TRIO: variants seen among roughly 807,000 people sequenced by gnomAD.
TRIO encodes the protein triple functional domain protein.
Under a neutral mutation model 351.9 loss-of-function variants are expected in TRIO, and 58 were observed. The observed-to-expected ratio is 0.16, with a 90% CI of 0.13 to 0.21. The LOEUF (loss-of-function observed/expected upper bound fraction) is 0.21. Among genes scored for constraint, TRIO ranks in the 10% least tolerant of loss-of-function variants. TRIO has a pLI of 1.00. For synonymous variants in TRIO, 1,758 were observed against 1,595.7 expected (o/e 1.10, Z -2.42); for missense variants, 3,201 against 4,027.8 (o/e 0.79, Z 5.56).
intron 20 of TRIO, among the ~76,000 whole-genome samples, chr5:14,380,276 T>C (rs1437376850): frequency 6.9e-5 from 2 of 28,954 alleles, no homozygotes; most frequent in East Asian, 2.4e-3. Flanking sequence ...CCCCGCCTCC[T>C]CCTTCGCGCC....
In TRIO at chr5:14,336,666, G is replaced by C; in HGVS notation, c.1985G>C (p.Arg662Pro). ...GACCGGATTCAAGATTTCGTTCGGC[G>C]TGTTGAGCAGCGAAAGATCCTACTG... ...LEDRIQDFVR[R>P]VEQRKILLDM... The change falls in exon 11 of 57, where the codon CGT becomes CCT. Residue 662 changes from arginine (R) to proline (P), a missense_variant. By Grantham distance (103) the Arg-to-Pro change is moderately radical (BLOSUM62 -2). This residue lies in a region of TRIO where 363 missense variants were observed against 553.5 expected (regional missense o/e 0.66). Transcript: ENST00000344204. 1 of 1,614,224 alleles carries C rather than the reference G, an allele frequency of 6.2e-7. No homozygotes were observed. Among genetic ancestry groups the C allele is most frequent in the Non-Finnish European group, 8.5e-7 (1 of 1,180,042 alleles).
Position 14,488,266 on chromosome 5 carries a change from C to A in TRIO, c.7632+6C>A, listed in dbSNP as rs1257170370. 1 of 1,554,036 alleles carries A rather than the reference C, an allele frequency of 6.4e-7. No homozygotes were observed. Among genetic ancestry groups the A allele is most frequent in the Admixed American group, 1.9e-5 (1 of 53,918 alleles). On this transcript the variant is annotated splice_donor_region_variant and intron_variant, in intron 48 of 56. Transcript: ENST00000344204. ...AGTCCACCCAGAGCAACGGGGTAAG[C>A]GCGTCGGGGGGCCCGCGCCCTCCCG...
Position 14,315,438 on chromosome 5 carries a change from A to T in TRIO, c.1501-1075A>T, listed in dbSNP as rs549449554. Among the ~76,000 whole-genome samples the T allele has an allele frequency of 1.6e-4, 25 of 152,050 alleles. No individual in the cohort carries two copies. In the South Asian group the frequency reaches 3.7e-3, roughly 23 times the overall value. ...CAGCTAATTTTTGTATTTTTAGTAG[A>T]GACGGGGTTTCACCATGTTGGCCAG... On this transcript the variant is annotated intron_variant, in intron 8 of 56. Coordinates refer to ENST00000344204, the MANE Select transcript of TRIO (RefSeq NM_007118.4).
intron 30 of TRIO, 42 bp downstream of exon 30, chr5:14,399,112 A>G (rs768610589): frequency 1.9e-6 from 3 of 1,555,922 alleles, no homozygotes; most frequent in Non-Finnish European, 1.8e-6. Context: ...AAGGTAACAC[A>G]ATTGCAGTCT....
In TRIO at chr5:14,336,583, G is replaced by A. The variant is rs773491884; in HGVS notation, c.1902G>A (p.Leu634=). The A allele has an allele frequency of 6.2e-7, 1 of 1,614,198 alleles. No homozygotes were observed. The highest frequency in any genetic ancestry group is 1.7e-5 in the Admixed American group (1 of 60,028). Residue 634 remains leucine (L), a synonymous_variant, in exon 11 of 57, where the codon CTG becomes CTA. Transcript: ENST00000344204. Reference sequence around the variant, plus strand: ...AATTACTGGAAGCAGCAGAACAGCTGGCTCAGACTGGGGAATGTGACCCCG... The same window carrying A: ...AATTACTGGAAGCAGCAGAACAGCTAGCTCAGACTGGGGAATGTGACCCCG... ...ADKLLEAAEQ[L]AQTGECDPEE...
At chr5:14,217,070 C>T (rs530028932) in intron 1 of TRIO, among the ~76,000 whole-genome samples, 25 of 152,332 alleles carry the variant, frequency 1.6e-4, no homozygotes, top group African/African-American at 5.8e-4. Context: ...TCATGCATTC[C>T]TCCTCCAGCA....
intron 11 of TRIO, among the ~76,000 whole-genome samples, chr5:14,351,672 T>C (rs917280181): frequency 1.3e-4 from 20 of 152,318 alleles, no homozygotes; most frequent in African/African-American, 4.3e-4. Flanking sequence ...AAACTGAAGA[T>C]AGAGTGCTCC....
intron 1 of TRIO, among the ~76,000 whole-genome samples, chr5:14,202,472 A>C (rs1294048836): frequency 6.6e-6 from 1 of 151,756 alleles, no homozygotes; most frequent in Non-Finnish European, 1.5e-5. Flanking sequence ...TGAATACTGT[A>C]GCTCATGTTG....
intron 35 of TRIO, 135 bp downstream of exon 35, chr5:14,461,446 C>T: frequency 7.9e-7 from 1 of 1,265,736 alleles, no homozygotes; most frequent in Non-Finnish European, 1.0e-6. Context: ...CCATTCAAGT[C>T]TCTGCTTAGC....
At position 14,286,032 on chromosome 5, in the gene TRIO, A is replaced by G. The variant is rs1231759417; in HGVS notation, c.348-839A>G. Among the ~76,000 whole-genome samples, 1 of 152,072 alleles carries G rather than the reference A, an allele frequency of 6.6e-6. No homozygotes were observed. Among genetic ancestry groups the G allele is most frequent in the African/African-American group, 2.4e-5 (1 of 41,388 alleles). On this transcript the variant is annotated intron_variant, in intron 3 of 56. Coordinates refer to ENST00000344204, the MANE Select transcript of TRIO (RefSeq NM_007118.4). This position sits in a 1 kb window ranked among gnomAD's most constrained non-coding sequence, Gnocchi z 4.4. ...TGCTCATTCTTTATTGCAGATTTGC[A>G]TTGTATGTGTTTCCCATGTAGTCAG...
chr5:14,404,180 T>C (rs1186382288), intron 31 of TRIO, among the ~76,000 whole-genome samples: 1 of 151,870 alleles, frequency 6.6e-6, no homozygotes, highest in African/African-American at 2.4e-5. Flanking sequence ...ATGGTGGTAG[T>C]GGCGATGATG....
At position 14,359,399 on chromosome 5, in the gene TRIO, C is replaced by T; in HGVS notation, c.2259C>T (p.Ser753=). 6.2e-7 allele frequency: 1 copy of T among 1,614,246 alleles called. No individual in the cohort carries two copies. Among genetic ancestry groups the T allele is most frequent in the Non-Finnish European group, 8.5e-7 (1 of 1,180,024 alleles). Reference sequence around the variant, plus strand: ...GTAACAAGACCCCCCACAACAGCTCCATCAACCACATTGAGACGGTGCTGC... The same window carrying T: ...GTAACAAGACCCCCCACAACAGCTCTATCAACCACATTGAGACGGTGCTGC... ...ISSNKTPHNS[S]INHIETVLQQ... The change falls in exon 13 of 57, where the codon TCC becomes TCT. Residue 753 remains serine (S), a synonymous_variant. Transcript: ENST00000344204.
At chr5:14,348,741 C>T (rs1488265146) in intron 11 of TRIO, among the ~76,000 whole-genome samples, 1 of 130,514 alleles carries the variant, frequency 7.7e-6, no homozygotes, top group African/African-American at 2.7e-5. Context: ...TGTGTTTTTC[C>T]TCTGTGTGTG....
chr5:14,277,600 G>A (rs1388518608), intron 2 of TRIO, among the ~76,000 whole-genome samples: 1 of 152,218 alleles, frequency 6.6e-6, no homozygotes, highest in Admixed American at 6.5e-5. Context: ...AATAGGTGAA[G>A]TTTTTATGAA....
chr5:14,344,093 A>G (rs1363211403), intron 11 of TRIO, among the ~76,000 whole-genome samples: 1 of 152,206 alleles, frequency 6.6e-6, no homozygotes, highest in Non-Finnish European at 1.5e-5. Flanking sequence ...GCTTTTACAC[A>G]TTTGATTTCT....
chr5:14,381,598 C>T (rs1485726509), intron 21 of TRIO, among the ~76,000 whole-genome samples: 1 of 152,156 alleles, frequency 6.6e-6, no homozygotes, highest in African/African-American at 2.4e-5. Context: ...TTTGGTGTCC[C>T]CAAGTTGACC....
intron 1 of TRIO, among the ~76,000 whole-genome samples, chr5:14,144,904 A>AGGT (rs1554020771): frequency 6.7e-6 from 1 of 149,104 alleles, no homozygotes; most frequent in Non-Finnish European, 1.5e-5. Flanking sequence ...GAGGAGGAGG[A>AGGT]GGCGGCGGCG....
At chr5:14,206,648 G>A (rs1791479680) in intron 1 of TRIO, among the ~76,000 whole-genome samples, 1 of 152,166 alleles carries the variant, frequency 6.6e-6, no homozygotes, top group South Asian at 2.1e-4. Context: ...ATTCCATTTC[G>A]ATGGTGCCTG....
intron 46 of TRIO, among the ~76,000 whole-genome samples, chr5:14,483,973 T>G (rs921845709): frequency 6.6e-6 from 1 of 151,758 alleles, no homozygotes; most frequent in Non-Finnish European, 1.5e-5. Context: ...CACCCATCCC[T>G]TGGACTGCAG....
Sources: allele counts gnomAD v4.1 joint callset (sites outside exome capture counted in the v4.1 genomes callset), GRCh38; gene constraint gnomAD v4.1.1; regional missense constraint gnomAD v4.1.1; non-coding constraint Gnocchi (gnomAD v3.1); transcripts MANE v1.5; gene names NCBI Gene and HGNC (gene_info 2026-07-23, HGNC 2026-07-21).